The following NUP54 variants were observed in gnomAD, a reference collection of about 807,000 sequenced individuals.
NUP54 encodes the protein nucleoporin p54.
Under a neutral mutation model 66.4 loss-of-function variants are expected in NUP54, and 27 were observed. That is an observed-to-expected ratio of 0.41 (90% CI 0.30 to 0.56). NUP54 has a LOEUF of 0.56. Among genes scored for constraint, NUP54 ranks in the 20% least tolerant of loss-of-function variants. The probability of loss-of-function intolerance (pLI) is 0.34; values close to 1 mark genes in which losing one functional copy is unlikely to be tolerated. For synonymous variants in NUP54, 206 were observed against 210.7 expected, an observed-to-expected ratio of 0.98 and a Z score of 0.19; for missense variants, 486 against 596.3, an observed-to-expected ratio of 0.82 and a Z score of 1.93.
rs375662261 is a variant in NUP54, at chr4:76,132,611, T to C, written c.819A>G (p.Gln273=). The C allele has an allele frequency of 4.4e-5, 71 of 1,614,024 alleles. 1 individual carries two copies. The Middle Eastern group carries it at 2.3e-3, about 52-fold the overall frequency. The stretch of plus-strand genomic sequence containing the variant: ...AAAGGGTTACACCAAGTTGCTGCAA[T>C]TGTGTTTTTATATTGGCTTGTTCAA... ...AHFEQANIKT[Q]LQQLGVTLSM... The change falls in exon 6 of 12, where the codon CAA becomes CAG. Residue 273 remains glutamine, a synonymous_variant. Coordinates refer to ENST00000264883, the MANE Select transcript of NUP54 (RefSeq NM_017426.4).
intron 9 of NUP54, among the ~76,000 whole-genome samples, chr4:76,123,803 T>C (rs4538520): frequency 0.31 from 47,068 of 152,128 alleles, 7,922 homozygotes; most frequent in East Asian, 0.71. Flanking sequence ...AGTGAGACAC[T>C]GTGCCCGGCC....
At chr4:76,126,540 A>T (rs1216288974) in intron 8 of NUP54, among the ~76,000 whole-genome samples, 2 of 152,228 alleles carry the variant, frequency 1.3e-5, no homozygotes, top group Non-Finnish European at 2.9e-5. Context: ...CAGGGTTTTT[A>T]GATACAAGAG....
intron 11 of NUP54, among the ~76,000 whole-genome samples, chr4:76,116,362 A>G (rs1368197049): frequency 6.6e-6 from 1 of 152,224 alleles, no homozygotes; most frequent in Non-Finnish European, 1.5e-5. Context: ...TTTGTTGATG[A>G]CATTTATAAT....
rs1488836731 is a variant in NUP54 at position 76,114,770 on chromosome 4, T to C, written c.*596A>G. ...CAAAAATGGTTAAGTAGTTTTGTTATATCCTAATTGCTTAGGTGTGCTCTG... is the reference window on the plus strand; with the variant it reads ...CAAAAATGGTTAAGTAGTTTTGTTACATCCTAATTGCTTAGGTGTGCTCTG... On this transcript the variant is annotated 3_prime_UTR_variant, in exon 12 of 12. Transcript: ENST00000264883. The C allele has an allele frequency of 6.6e-6, 1 of 152,218 alleles. No individual in the cohort carries two copies. Among genetic ancestry groups the C allele is most frequent in the South Asian group, 2.1e-4 (1 of 4,834 alleles). 9.4% of individuals were successfully genotyped at this position (152,218 alleles called of 1,614,324 possible).
rs1401085788 is a variant in NUP54, at chr4:76,132,590, G to T, written c.840C>A (p.Thr280=). Residue 280 remains threonine (T), a synonymous_variant, in exon 6 of 12, where the codon ACC becomes ACA. Coordinates refer to ENST00000264883, the MANE Select transcript of NUP54 (RefSeq NM_017426.4). ...IKTQLQQLGV[T]LSMTRTELSP... is the part of the protein sequence containing the mutation. ...AAAGTTCTGTTCTAGTCATAGAAAGGGTTACACCAAGTTGCTGCAATTGTG... is the reference window on the plus strand; with the variant it reads ...AAAGTTCTGTTCTAGTCATAGAAAGTGTTACACCAAGTTGCTGCAATTGTG... 6.2e-7 allele frequency: 1 copy of T among 1,614,034 alleles called. No homozygotes were observed. Among genetic ancestry groups the T allele is most frequent in the Admixed American group, 1.7e-5 (1 of 60,016 alleles).
intron 1 of NUP54, among the ~76,000 whole-genome samples, chr4:76,146,328 T>A (rs1051360587): frequency 1.3e-5 from 2 of 152,198 alleles, no homozygotes; most frequent in Non-Finnish European, 2.9e-5. Context: ...GTGGCTTTAT[T>A]CAGAAACACA....
chr4:76,129,016 T>C (rs986387589), intron 8 of NUP54, among the ~76,000 whole-genome samples: 7 of 152,208 alleles, frequency 4.6e-5, no homozygotes, highest in Non-Finnish European at 1.0e-4. Flanking sequence ...CAGTGTTCTA[T>C]AGCACTATAG....
At chr4:76,121,794 T>C (rs879355349) in intron 9 of NUP54, among the ~76,000 whole-genome samples, 1 of 152,250 alleles carries the variant, frequency 6.6e-6, no homozygotes, top group Non-Finnish European at 1.5e-5. Context: ...AACATTTTCC[T>C]ATTTCCAGAT....
intron 8 of NUP54, among the ~76,000 whole-genome samples, chr4:76,128,939 G>A (rs977168651): frequency 2.0e-5 from 3 of 152,160 alleles, no homozygotes; most frequent in Non-Finnish European, 4.4e-5. Flanking sequence ...AGAAAGAGTA[G>A]GAGTAGGGAA....
intron 8 of NUP54, among the ~76,000 whole-genome samples, chr4:76,126,716 A>T (rs1730553419): frequency 6.6e-6 from 1 of 151,826 alleles, no homozygotes; most frequent in Non-Finnish European, 1.5e-5. Flanking sequence ...GAATATTTTA[A>T]AATTATTTTA....
chr4:76,141,407 C>T (rs1349463111), intron 3 of NUP54, among the ~76,000 whole-genome samples: 2 of 152,122 alleles, frequency 1.3e-5, no homozygotes, highest in Non-Finnish European at 2.9e-5. Flanking sequence ...TATACAACTA[C>T]CCAAGGGACA....
chr4:76,117,833 T>C (rs919094564), intron 10 of NUP54, 59 bp from the exon 11 acceptor site: 4 of 1,373,108 alleles, frequency 2.9e-6, no homozygotes, highest in Non-Finnish European at 4.1e-6. Context: ...AAAGACAATG[T>C]TTTCTTCTGA....
intron 9 of NUP54, among the ~76,000 whole-genome samples, chr4:76,123,517 T>C (rs1310764851): frequency 2.6e-5 from 4 of 152,136 alleles, no homozygotes; most frequent in Non-Finnish European, 5.9e-5. Flanking sequence ...TCTTTTTTTT[T>C]TCTCCTTTTT....
At chr4:76,135,939 AT>A (rs1434427201) in intron 4 of NUP54, among the ~76,000 whole-genome samples, 1 of 151,886 alleles carries the variant, frequency 6.6e-6, no homozygotes, top group Non-Finnish European at 1.5e-5. Flanking sequence ...TCCTGTTTAC[AT>A]TTTTTTTCTT....
At chr4:76,147,334 A>G in intron 1 of NUP54, 1 of 454,450 alleles carries the variant, frequency 2.2e-6, no homozygotes, top group South Asian at 2.6e-5. Flanking sequence ...TAAAAACTTG[A>G]TACAGATGTT....
At chr4:76,128,028 C>A (rs1730617163) in intron 8 of NUP54, among the ~76,000 whole-genome samples, 1 of 152,126 alleles carries the variant, frequency 6.6e-6, no homozygotes, top group South Asian at 2.1e-4. Context: ...TTTTTCCCCT[C>A]AGGCGTCCCT....
chr4:76,121,659 T>C (rs549548499), intron 9 of NUP54, among the ~76,000 whole-genome samples: 8 of 152,358 alleles, frequency 5.3e-5, no homozygotes, highest in African/African-American at 1.9e-4. Flanking sequence ...CTGTAATTCA[T>C]TTTTAATTTT....
chr4:76,144,914 G>C (rs1030250856), intron 1 of NUP54, among the ~76,000 whole-genome samples: 1 of 152,190 alleles, frequency 6.6e-6, no homozygotes, highest in East Asian at 1.9e-4. Flanking sequence ...TAGTTTTTTA[G>C]ATCAGCAGTT....
chr4:76,126,395 AG>A (rs1372589897), intron 8 of NUP54, among the ~76,000 whole-genome samples: 1 of 152,240 alleles, frequency 6.6e-6, no homozygotes, highest in African/African-American at 2.4e-5. Flanking sequence ...GACATATTTT[AG>A]CACATCCACC....
Sources: gnomAD v4.1 joint callset for allele counts (sites outside exome capture counted in the v4.1 genomes callset) on GRCh38, gnomAD v4.1.1 for gene constraint, MANE v1.5 for transcripts, NCBI Gene and HGNC (gene_info 2026-07-23, HGNC 2026-07-21) for gene names.